The following TEX10 variants were observed in gnomAD, a reference collection of about 807,000 sequenced individuals.
The protein encoded by TEX10 is testis-expressed protein 10.
Under a neutral mutation model 104.4 loss-of-function variants are expected in TEX10, and 24 were observed. The ratio of observed to expected loss-of-function variants is 0.23; its 90% confidence interval spans 0.17 to 0.32. TEX10 has a LOEUF of 0.32. Among genes scored for constraint, TEX10 ranks in the 10% least tolerant of loss-of-function variants. The pLI, the probability that TEX10 is intolerant of heterozygous loss-of-function variation, is 1.00. For synonymous variants in TEX10, 396 were observed against 393.4 expected, an observed-to-expected ratio of 1.01 and a Z score of -0.08; for missense variants, 921 against 1,083.9, an observed-to-expected ratio of 0.85 and a Z score of 2.11.
Position 100,346,970 on chromosome 9 carries a change from T to G in TEX10, c.617A>C (p.Gln206Pro). The stretch of plus-strand genomic sequence containing the variant: ...AGGATTTACAGAAAGTATCCAGGAC[T>G]GGGATCTGTCTCTATTTATCAGTCC... Reference protein sequence around the residue: ...SKGLINRDRSQSWILSVNPNR... With the variant: ...SKGLINRDRSPSWILSVNPNR... The change falls in exon 3 of 15, where the codon CAG (glutamine) becomes CCG (proline). Residue 206 changes from glutamine (Q) to proline (P), a missense_variant. This residue lies in a region of TEX10 where 753 missense variants were observed against 868.4 expected (regional missense o/e 0.87). Coordinates refer to ENST00000374902, the MANE Select transcript of TEX10 (RefSeq NM_017746.4). 1 of 1,614,244 alleles carries G rather than the reference T, an allele frequency of 6.2e-7. No individual in the cohort carries two copies. Among genetic ancestry groups the G allele is most frequent in the Non-Finnish European group, 8.5e-7 (1 of 1,180,040 alleles).
At chr9:100,314,132 C>A (rs970093572) in intron 11 of TEX10, among the ~76,000 whole-genome samples, 5 of 149,478 alleles carry the variant, frequency 3.3e-5, no homozygotes, top group African/African-American at 1.2e-4. Context: ...CTGTCACCCA[C>A]GCTGGAGTGC....
At chr9:100,345,330 C>G (rs1347362963) in intron 4 of TEX10, among the ~76,000 whole-genome samples, 1 of 152,124 alleles carries the variant, frequency 6.6e-6, no homozygotes, top group South Asian at 2.1e-4. Flanking sequence ...TCTTATGCAC[C>G]ATACTGACTC....
chr9:100,341,553 A>T (rs1170088990), intron 4 of TEX10, among the ~76,000 whole-genome samples: 1 of 152,090 alleles, frequency 6.6e-6, no homozygotes, highest in East Asian at 1.9e-4. Flanking sequence ...ACATACCAAC[A>T]GTCTGGCTGG....
chr9:100,331,268 A>C lies in TEX10; in HGVS notation c.1251-1099T>G, dbSNP rs922955779. ...AGGAGTGAAACTCCATCTCAAAAAA[A>C]TAAATAAATAAAAATAAAATAAGCC... On this transcript the variant is annotated intron_variant, in intron 5 of 14. Coordinates refer to ENST00000374902, the MANE Select transcript of TEX10 (RefSeq NM_017746.4). 1.3e-5 allele frequency among the ~76,000 whole-genome samples: 2 copies of C among 151,980 alleles called. 1 individual carries two copies. The highest frequency in any genetic ancestry group is 4.2e-4 in the South Asian group (2 of 4,814).
intron 11 of TEX10, among the ~76,000 whole-genome samples, chr9:100,311,406 A>C (rs183655870): frequency 6.6e-6 from 1 of 152,304 alleles, no homozygotes; most frequent in African/African-American, 2.4e-5. Flanking sequence ...TCTCCAAAAA[A>C]TAAGTGTTAT....
At chr9:100,328,581 TTAAAG>T (rs545381477) in intron 7 of TEX10, among the ~76,000 whole-genome samples, 49 of 152,346 alleles carry the variant, frequency 3.2e-4, no homozygotes, top group African/African-American at 8.4e-4. Context: ...GTAACTTGGC[TTAAAG>T]TAAATACCAG....
intron 2 of TEX10, 110 bp from the exon 3 acceptor site, chr9:100,347,516 G>A (rs1254615669): frequency 4.2e-6 from 3 of 714,178 alleles, no homozygotes; most frequent in African/African-American, 3.6e-5. Flanking sequence ...TGGGGAAACT[G>A]CTTCAATAAG....
intron 7 of TEX10, among the ~76,000 whole-genome samples, chr9:100,328,826 G>C (rs1180665443): frequency 2.0e-5 from 3 of 152,270 alleles, no homozygotes; most frequent in East Asian, 1.9e-4. Context: ...AATGGCTAGA[G>C]ATTCAACCTC....
intron 1 of TEX10, 59 bp from the exon 2 acceptor site, chr9:100,349,431 A>G: frequency 8.2e-7 from 1 of 1,225,214 alleles, no homozygotes; most frequent in Non-Finnish European, 1.1e-6. Context: ...ATTATGAAAA[A>G]AGGCACTTTC....
At chr9:100,352,577 TA>T in intron 1 of TEX10, 194 bp downstream of exon 1, 2 of 1,522,280 alleles carry the variant, frequency 1.3e-6, no homozygotes, top group Non-Finnish European at 1.8e-6. Context: ...GCAAACGCCC[TA>T]GGGGGTCCCG....
chr9:100,348,879 C>T (rs1835369066), intron 2 of TEX10, among the ~76,000 whole-genome samples: 1 of 152,034 alleles, frequency 6.6e-6, no homozygotes. Flanking sequence ...CCCCATTGTG[C>T]TCAACATGGT....
intron 7 of TEX10, among the ~76,000 whole-genome samples, chr9:100,328,266 C>T (rs1462446837): frequency 6.6e-6 from 1 of 152,174 alleles, no homozygotes; most frequent in Non-Finnish European, 1.5e-5. Flanking sequence ...CAAATGTACA[C>T]ATTCACCATA....
intron 12 of TEX10, 41 bp downstream of exon 12, chr9:100,310,258 C>G (rs138696032): frequency 6.5e-7 from 1 of 1,533,260 alleles, no homozygotes; most frequent in Admixed American, 1.7e-5. Flanking sequence ...ACCAATGCAT[C>G]CTGTGTTCAT....
chr9:100,320,408 G>A lies in TEX10; in HGVS notation c.2069-10C>T. 3.2e-6 allele frequency: 5 copies of A among 1,577,628 alleles called. No homozygotes were observed. The highest frequency in any genetic ancestry group is 4.3e-6 in the Non-Finnish European group (5 of 1,166,738). Reference sequence around the variant, plus strand: ...TCCTCTTTCGAAAACCCTAATTCAGGTAACAAAGAAAGCCAATTTAAAAAA... The same window carrying A: ...TCCTCTTTCGAAAACCCTAATTCAGATAACAAAGAAAGCCAATTTAAAAAA... On this transcript the variant is annotated splice_polypyrimidine_tract_variant and intron_variant, in intron 10 of 14. Transcript: ENST00000374902.
In TEX10 at chr9:100,312,937, T is replaced by TA. The variant is rs35442084; in HGVS notation, c.2203-2559dup. Among the ~76,000 whole-genome samples, 199 of 152,252 alleles carry TA rather than the reference T, an allele frequency of 1.3e-3. 1 individual carries two copies. The highest frequency in any genetic ancestry group is 2.1e-3 in the Non-Finnish European group (142 of 68,018). On this transcript the variant is annotated intron_variant, in intron 11 of 14. Transcript: ENST00000374902. ...AAACAAAGCCATGAGAGAAATAAGT[T>TA]AAATATCTATAAAAGATATAGTCCC...
intron 9 of TEX10, among the ~76,000 whole-genome samples, chr9:100,324,267 A>G (rs1834648137): frequency 6.6e-6 from 1 of 152,132 alleles, no homozygotes; most frequent in South Asian, 2.1e-4. Context: ...TCCTGACCTC[A>G]AGTGATCTGC....
chr9:100,341,493 T>C (rs1310491396), intron 4 of TEX10, among the ~76,000 whole-genome samples: 2 of 139,186 alleles, frequency 1.4e-5, no homozygotes, highest in Admixed American at 7.5e-5. Flanking sequence ...TCTTTCTCAT[T>C]TGGGCGATGT....
chr9:100,324,836 T>C (rs1164663229), intron 9 of TEX10, among the ~76,000 whole-genome samples: 1 of 152,112 alleles, frequency 6.6e-6, no homozygotes. Context: ...AGCTCTTAAG[T>C]TACGGAAAAT....
chr9:100,335,041 T>A (rs1219834038), intron 5 of TEX10, among the ~76,000 whole-genome samples: 1 of 152,166 alleles, frequency 6.6e-6, no homozygotes, highest in Non-Finnish European at 1.5e-5. Flanking sequence ...AGTCATTTTT[T>A]TTCAAGTTAA....
Sources: allele counts gnomAD v4.1 joint callset (sites outside exome capture counted in the v4.1 genomes callset), GRCh38; gene constraint gnomAD v4.1.1; regional missense constraint gnomAD v4.1.1; transcripts MANE v1.5; gene names NCBI Gene and HGNC (gene_info 2026-07-23, HGNC 2026-07-21).